Variants in DENND1B observed in about 807,000 individuals in gnomAD.
DENND1B encodes the protein DENN domain-containing protein 1B.
In DENND1B, 59 loss-of-function variants were observed where a neutral mutation model predicts 90.1. The ratio of observed to expected loss-of-function variants is 0.65; its 90% confidence interval spans 0.53 to 0.81. The LOEUF (loss-of-function observed/expected upper bound fraction) is 0.81. Among genes scored for constraint, DENND1B ranks in the 40% least tolerant of loss-of-function variants. The pLI, the probability that DENND1B is intolerant of heterozygous loss-of-function variation, is 0.00. For missense variants in DENND1B, 862 were observed against 912.6 expected, an observed-to-expected ratio of 0.94 and a Z score of 0.71; for synonymous variants, 337 against 324.6, an observed-to-expected ratio of 1.04 and a Z score of -0.41.
chr1:197,672,061 C>T lies in DENND1B; in HGVS notation c.272G>A (p.Gly91Asp), dbSNP rs1179180865. 1.9e-6 allele frequency: 3 copies of T among 1,611,852 alleles called. No homozygotes were observed. The highest frequency in any genetic ancestry group is 1.3e-5 in the African/African-American group (1 of 74,720). The change falls in exon 5 of 23, where the codon GGC becomes GAC. Residue 91 changes from glycine (G) to aspartate (D), a missense_variant. Transcript: ENST00000620048. Reference sequence around the variant, plus strand: ...CCTAAGGATGCATAAACAAATTGTGCCTCCTGACGTCAGTCTGCAGAATCC... The same window carrying T: ...CCTAAGGATGCATAAACAAATTGTGTCTCCTGACGTCAGTCTGCAGAATCC... Reference protein sequence around the residue: ...RFGFCRLTSGGTICLCILSYL... With the variant: ...RFGFCRLTSGDTICLCILSYL...
chr1:197,575,729 A>G (rs2125749537), intron 15 of DENND1B, among the ~76,000 whole-genome samples: 1 of 152,372 alleles, frequency 6.6e-6, no homozygotes. Context: ...TGGCACATAT[A>G]CGTCATGGAA....
chr1:197,758,995 A>C (rs1376383111), intron 2 of DENND1B, among the ~76,000 whole-genome samples: 1 of 113,638 alleles, frequency 8.8e-6, no homozygotes, highest in Non-Finnish European at 1.7e-5. Flanking sequence ...TTTAAGATGG[A>C]GTCTCTCTCT....
chr1:197,740,193 G>C (rs1054528276), intron 2 of DENND1B, among the ~76,000 whole-genome samples: 1 of 152,164 alleles, frequency 6.6e-6, no homozygotes, highest in Non-Finnish European at 1.5e-5. Flanking sequence ...GATATCTTGG[G>C]AAAGTGTATT....
the DENND1B span, among the ~76,000 whole-genome samples, chr1:197,781,079 C>T: frequency 1.3e-5 from 2 of 152,130 alleles, no homozygotes; most frequent in Non-Finnish European, 2.9e-5. Context: ...AAGTTGACAG[C>T]TCCTTTCCCT....
At chr1:197,585,666 T>C (rs16841761) in intron 14 of DENND1B, among the ~76,000 whole-genome samples, 2,640 of 152,324 alleles carry the variant, frequency 0.017, 83 homozygotes, top group African/African-American at 0.06. Context: ...ACACGGTTTA[T>C]TTACTAAGAA....
At chr1:197,624,874 A>G (rs1256420589) in intron 10 of DENND1B, among the ~76,000 whole-genome samples, 2 of 151,960 alleles carry the variant, frequency 1.3e-5, no homozygotes, top group East Asian at 3.9e-4. Context: ...AAGAATGCAG[A>G]AGCCTCAGGA....
chr1:197,733,323 CCT>C (rs1488862633), intron 2 of DENND1B, among the ~76,000 whole-genome samples: 4 of 152,094 alleles, frequency 2.6e-5, no homozygotes, highest in African/African-American at 4.8e-5. Flanking sequence ...AGTATCCACC[CCT>C]GACAGTTATT....
At chr1:197,623,024 A>G (rs1224348005) in intron 10 of DENND1B, among the ~76,000 whole-genome samples, 3 of 151,380 alleles carry the variant, frequency 2.0e-5, no homozygotes, top group African/African-American at 7.3e-5. Context: ...AAGGTATCAT[A>G]TAGACACATT....
chr1:197,540,851 TA>T (rs1351260991), intron 19 of DENND1B, 107 bp downstream of exon 19: 1 of 1,011,784 alleles, frequency 9.9e-7, no homozygotes, highest in Non-Finnish European at 1.5e-6. Context: ...AACAAAGGGC[TA>T]AGCATATTTC....
intron 20 of DENND1B, among the ~76,000 whole-genome samples, chr1:197,530,482 C>G (rs1669535819): frequency 6.6e-6 from 1 of 152,090 alleles, no homozygotes; most frequent in Admixed American, 6.6e-5. Context: ...TACTCAAGGT[C>G]TTCTAAACTT....
In DENND1B at chr1:197,570,919, T is replaced by A. The variant is rs1443543040; in HGVS notation, c.1149+12233A>T. On this transcript the variant is annotated intron_variant, in intron 15 of 22. Transcript: ENST00000620048. ...ATGCAATCATAAATGGTCCCAGTATTAGAAAGGTTCATAACCTATTGAGAA... is the reference window on the plus strand; with the variant it reads ...ATGCAATCATAAATGGTCCCAGTATAAGAAAGGTTCATAACCTATTGAGAA... 2.6e-5 allele frequency among the ~76,000 whole-genome samples: 4 copies of A among 152,154 alleles called. No homozygotes were observed. In the South Asian group the frequency reaches 6.2e-4, roughly 24 times the overall value.
chr1:197,781,013 C>A, the DENND1B span, among the ~76,000 whole-genome samples: 32 of 152,250 alleles, frequency 2.1e-4, no homozygotes, highest in Admixed American at 4.6e-4. Flanking sequence ...TCATTGAATC[C>A]TTGTAGTAAT....
chr1:197,584,581 C>T (rs1674528439), intron 14 of DENND1B, among the ~76,000 whole-genome samples: 1 of 152,128 alleles, frequency 6.6e-6, no homozygotes, highest in South Asian at 2.1e-4. Context: ...ATTCGATAAA[C>T]TCTTAAGTGG....
intron 2 of DENND1B, among the ~76,000 whole-genome samples, chr1:197,743,697 T>A (rs1324483926): frequency 2.0e-5 from 3 of 152,194 alleles, no homozygotes; most frequent in Non-Finnish European, 1.5e-5. Flanking sequence ...GTAGTGTCAA[T>A]CTAAGCTGGT....
chr1:197,640,660 T>C (rs1001678436), intron 10 of DENND1B, among the ~76,000 whole-genome samples: 4 of 152,104 alleles, frequency 2.6e-5, no homozygotes, highest in African/African-American at 9.7e-5. Flanking sequence ...GTCAAACAGA[T>C]TACTTGGTCA....
intron 2 of DENND1B, chr1:197,747,192 AT>A: frequency 1.4e-6 from 1 of 730,616 alleles, no homozygotes; most frequent in Non-Finnish European, 2.5e-6. Flanking sequence ...TCTGTTCAGA[AT>A]GTTTTTTATG....
At chr1:197,513,982 A>G (rs1043911348) in intron 20 of DENND1B, among the ~76,000 whole-genome samples, 10 of 151,598 alleles carry the variant, frequency 6.6e-5, no homozygotes, top group African/African-American at 2.2e-4. Flanking sequence ...GTGCATTTTT[A>G]CTGTAACATG....
chr1:197,570,028 C>T (rs573232462), intron 15 of DENND1B, among the ~76,000 whole-genome samples: 1 of 152,006 alleles, frequency 6.6e-6, no homozygotes, highest in Non-Finnish European at 1.5e-5. Flanking sequence ...ATTAATTTAG[C>T]CATTCTATAA....
intron 10 of DENND1B, among the ~76,000 whole-genome samples, chr1:197,628,334 A>C (rs1251986771): frequency 6.6e-6 from 1 of 152,154 alleles, no homozygotes; most frequent in East Asian, 1.9e-4. Context: ...AGATATATAG[A>C]TCAACGGAAC....
Sources: gnomAD v4.1 joint callset for allele counts (sites outside exome capture counted in the v4.1 genomes callset) on GRCh38, gnomAD v4.1.1 for gene constraint, MANE v1.5 for transcripts, NCBI Gene and HGNC (gene_info 2026-07-23, HGNC 2026-07-21) for gene names.